The following SRD5A2 variants were observed in gnomAD, a reference collection of about 807,000 sequenced individuals.
SRD5A2 encodes the protein steroid 5 alpha-reductase 2, also known as 3-oxo-5-alpha-steroid 4-dehydrogenase 2.
SRD5A2 carries 30 observed loss-of-function variants against 27.4 expected under a neutral mutation model. That is an observed-to-expected ratio of 1.10 (90% CI 0.82 to 1.49). The LOEUF is 1.49. Ranked by LOEUF, SRD5A2 falls within the 40% of genes most tolerant of loss-of-function variation. SRD5A2 has a pLI of 0.00. For synonymous variants in SRD5A2, 141 were observed against 133.6 expected, an observed-to-expected ratio of 1.06 and a Z score of -0.38; for missense variants, 348 against 323.4, an observed-to-expected ratio of 1.08 and a Z score of -0.58.
upstream of SRD5A2, among the ~76,000 whole-genome samples, chr2:31,582,331 C>T (rs1401864148): frequency 6.6e-6 from 1 of 152,154 alleles, no homozygotes; most frequent in Non-Finnish European, 1.5e-5. Context: ...TGGGGTGTCT[C>T]CTGATTCTTG....
chr2:31,556,091 T>A (rs999186143), intron 1 of SRD5A2, among the ~76,000 whole-genome samples: 3 of 152,244 alleles, frequency 2.0e-5, no homozygotes, highest in Non-Finnish European at 4.4e-5. Context: ...CCAAAGGCCA[T>A]TGGGCCAACC....
chr2:31,630,606 G>A, the SRD5A2 span, among the ~76,000 whole-genome samples: 16 of 152,186 alleles, frequency 1.1e-4, no homozygotes, highest in African/African-American at 3.4e-4. Context: ...AATCTGTAGC[G>A]GCAACTGCTT....
chr2:31,525,411 C>G lies in SRD5A2; in HGVS notation c.*785G>C. 1 of 226,830 alleles carries G rather than the reference C, an allele frequency of 4.4e-6. No homozygotes were observed. Among genetic ancestry groups the G allele is most frequent in the Non-Finnish European group, 8.8e-6 (1 of 113,998 alleles). The allele number at this position is 226,830 out of a possible 1,614,324, so 14.1% of individuals were successfully genotyped here. A position where few individuals can be genotyped will look rare whatever the true frequency, so the allele number is the denominator to read the frequency against. On this transcript the variant is annotated 3_prime_UTR_variant, in exon 5 of 5. Transcript: ENST00000622030. ...AAACTGTTCTCTATCCTCTTAGTAG[C>G]CATCCAGGGTCATGTTGTTCTCTAC...
chr2:31,646,062 G>C, the SRD5A2 span, among the ~76,000 whole-genome samples: 1 of 151,938 alleles, frequency 6.6e-6, no homozygotes, highest in Non-Finnish European at 1.5e-5. Context: ...TTGTATTAAT[G>C]ATAATTAGAA....
chr2:31,567,669 TA>T (rs1381489596), intron 1 of SRD5A2, among the ~76,000 whole-genome samples: 4 of 152,186 alleles, frequency 2.6e-5, no homozygotes, highest in Non-Finnish European at 5.9e-5. Flanking sequence ...GAATTTTATA[TA>T]AACATAATCA....
intron 1 of SRD5A2, among the ~76,000 whole-genome samples, chr2:31,562,181 T>C (rs1666637664): frequency 6.6e-6 from 1 of 152,182 alleles, no homozygotes. Flanking sequence ...CTAAGTTCAG[T>C]TGTTTAGCTT....
intron 1 of SRD5A2, among the ~76,000 whole-genome samples, chr2:31,558,746 A>G (rs188714395): frequency 1.3e-4 from 20 of 152,306 alleles, no homozygotes; most frequent in African/African-American, 4.8e-4. Context: ...AATTGCCTAC[A>G]GTAGTCAGTA....
chr2:31,549,389 G>T (rs1257493783), intron 1 of SRD5A2, among the ~76,000 whole-genome samples: 1 of 151,890 alleles, frequency 6.6e-6, no homozygotes, highest in Non-Finnish European at 1.5e-5. Flanking sequence ...TGGGATTACA[G>T]GCGTGAATTA....
chr2:31,534,423 G>A (rs988255481), intron 1 of SRD5A2, among the ~76,000 whole-genome samples: 3 of 152,118 alleles, frequency 2.0e-5, no homozygotes, highest in East Asian at 1.9e-4. Flanking sequence ...ATGACTCTCC[G>A]AGAAGGAACC....
chr2:31,537,548 T>A (rs1666051073), intron 1 of SRD5A2, among the ~76,000 whole-genome samples: 1 of 152,222 alleles, frequency 6.6e-6, no homozygotes, highest in African/African-American at 2.4e-5. Context: ...TTGGTTCTTC[T>A]GCTTCACTGA....
At chr2:31,636,181 C>T in the SRD5A2 span, among the ~76,000 whole-genome samples, 7 of 151,904 alleles carry the variant, frequency 4.6e-5, no homozygotes, top group African/African-American at 1.7e-4. Flanking sequence ...CATTGAGTAG[C>T]TTTCCATTTT....
the SRD5A2 span, among the ~76,000 whole-genome samples, chr2:31,630,485 T>C: frequency 1.1e-3 from 167 of 152,318 alleles, 1 homozygote; most frequent in Non-Finnish European, 1.4e-3. Context: ...TACTACCTTG[T>C]TGTCAGTGTA....
the SRD5A2 span, among the ~76,000 whole-genome samples, chr2:31,616,571 T>A: frequency 1.3e-5 from 2 of 152,236 alleles, no homozygotes; most frequent in Non-Finnish European, 2.9e-5. Flanking sequence ...TAGACTTCCA[T>A]GGGGCCTGCA....
At chr2:31,531,709 A>G (rs953320768) in intron 2 of SRD5A2, among the ~76,000 whole-genome samples, 10 of 152,248 alleles carry the variant, frequency 6.6e-5, no homozygotes, top group African/African-American at 2.4e-4. Flanking sequence ...TGATGGAGAC[A>G]GATTAGAAAA....
chr2:31,655,857 TATAAAG>T, the SRD5A2 span, among the ~76,000 whole-genome samples: 3 of 152,116 alleles, frequency 2.0e-5, no homozygotes, highest in African/African-American at 4.8e-5. Flanking sequence ...AAACTAAAAA[TATAAAG>T]ATAAAGAAAA....
At chr2:31,554,019 A>G (rs191683220) in intron 1 of SRD5A2, among the ~76,000 whole-genome samples, 140 of 152,292 alleles carry the variant, frequency 9.2e-4, no homozygotes, top group African/African-American at 3.3e-3. Flanking sequence ...GATAGTGCAC[A>G]TCTGTGAGGG....
chr2:31,652,541 T>C, the SRD5A2 span, among the ~76,000 whole-genome samples: 3 of 151,918 alleles, frequency 2.0e-5, no homozygotes, highest in African/African-American at 7.3e-5. Flanking sequence ...ATTGTACCCA[T>C]AAAACAAGAA....
chr2:31,640,702 G>T, the SRD5A2 span, among the ~76,000 whole-genome samples: 1 of 152,128 alleles, frequency 6.6e-6, no homozygotes, highest in African/African-American at 2.4e-5. Context: ...GCAGCATAGT[G>T]CCACTGAACA....
chr2:31,593,105 T>A, the SRD5A2 span, among the ~76,000 whole-genome samples: 3 of 151,860 alleles, frequency 2.0e-5, no homozygotes, highest in African/African-American at 7.2e-5. Flanking sequence ...CTCTGGGGAC[T>A]GTTGTGGGGT....
Sources: gnomAD v4.1 joint callset for allele counts (sites outside exome capture counted in the v4.1 genomes callset) on GRCh38, gnomAD v4.1.1 for gene constraint, MANE v1.5 for transcripts, NCBI Gene and HGNC (gene_info 2026-07-23, HGNC 2026-07-21) for gene names.